CTNNA3: variants seen among roughly 807,000 people sequenced by gnomAD.
CTNNA3 encodes the protein catenin alpha-3.
CTNNA3 carries 76 observed loss-of-function variants against 95.7 expected under a neutral mutation model. The ratio of observed to expected loss-of-function variants is 0.79; its 90% CI spans 0.66 to 0.96. The LOEUF (loss-of-function observed/expected upper bound fraction) is 0.96. CTNNA3 is among the 40% of genes least tolerant of loss of function. The pLI is 0.00. For synonymous variants in CTNNA3, 431 were observed against 374.4 expected, an observed-to-expected ratio of 1.15 and a Z score of -1.74; for missense variants, 1,191 against 1,089.8, an observed-to-expected ratio of 1.09 and a Z score of -1.31.
intron 17 of CTNNA3, among the ~76,000 whole-genome samples, chr10:65,925,270 A>T (rs551890080): frequency 6.8e-6 from 1 of 147,028 alleles, no homozygotes; most frequent in African/African-American, 2.4e-5. Context: ...AACAAATATG[A>T]AATAAGCAAA....
At chr10:66,033,827 T>A (rs978145397) in intron 15 of CTNNA3, among the ~76,000 whole-genome samples, 6 of 152,216 alleles carry the variant, frequency 3.9e-5, no homozygotes, top group Non-Finnish European at 7.3e-5. Flanking sequence ...AGATATGTAT[T>A]AGGAATCACA....
chr10:66,124,455 T>G (rs1020571485), intron 13 of CTNNA3, among the ~76,000 whole-genome samples: 3 of 152,206 alleles, frequency 2.0e-5, no homozygotes, highest in African/African-American at 7.2e-5. Context: ...CTTTCCTGTC[T>G]TCTTCTGAGC....
intron 3 of CTNNA3, among the ~76,000 whole-genome samples, chr10:67,559,104 A>G (rs1415867322): frequency 6.6e-6 from 1 of 152,186 alleles, no homozygotes; most frequent in East Asian, 1.9e-4. Flanking sequence ...GCAGACTTAA[A>G]TGTCCCTGTC....
intron 5 of CTNNA3, among the ~76,000 whole-genome samples, chr10:67,251,998 T>C (rs1314820095): frequency 1.3e-5 from 2 of 151,954 alleles, no homozygotes; most frequent in Non-Finnish European, 2.9e-5. Flanking sequence ...TCACTTGAGG[T>C]CAGGTGTTTG....
chr10:67,216,129 T>G (rs949121713), intron 6 of CTNNA3, among the ~76,000 whole-genome samples: 1 of 152,212 alleles, frequency 6.6e-6, no homozygotes. Flanking sequence ...AATGCTAATC[T>G]GACTAACAGA....
At chr10:67,347,522 A>ACTG (rs1300372923) in intron 5 of CTNNA3, among the ~76,000 whole-genome samples, 2 of 152,128 alleles carry the variant, frequency 1.3e-5, no homozygotes, top group African/African-American at 4.8e-5. Context: ...GTGTACTACT[A>ACTG]TGTTAGGTGC....
intron 11 of CTNNA3, among the ~76,000 whole-genome samples, chr10:66,486,385 CA>C (rs1345024588): frequency 1.3e-5 from 2 of 151,666 alleles, no homozygotes; most frequent in Admixed American, 1.3e-4. Context: ...TTAAAATGTA[CA>C]AAAAAATGAA....
chr10:66,554,584 C>T (rs1842334551), intron 10 of CTNNA3, among the ~76,000 whole-genome samples: 1 of 152,076 alleles, frequency 6.6e-6, no homozygotes, highest in African/African-American at 2.4e-5. Context: ...TACCATGCAG[C>T]CTATTTCCCA....
At chr10:67,430,776 A>G (rs1489193516) in intron 5 of CTNNA3, among the ~76,000 whole-genome samples, 1 of 149,766 alleles carries the variant, frequency 6.7e-6, no homozygotes, top group Admixed American at 6.7e-5. Context: ...ATGGGCTGGA[A>G]AAAATGGTCC....
In CTNNA3 at chr10:67,180,366, T is replaced by C. The variant is rs1400603614; in HGVS notation, c.998A>G (p.Asn333Ser). 1.2e-6 allele frequency: 2 copies of C among 1,613,660 alleles called. No individual in the cohort carries two copies. Among genetic ancestry groups the C allele is most frequent in the African/African-American group, 1.3e-5 (1 of 74,910 alleles). ...ATCCTGAAGAGCCTGGCGAATGGCG[T>C]TGCATTCTGCGATAATCCGCTCTCG... ...LHRERIIAEC[N>S]AIRQALQDLL... The change falls in exon 7 of 18, where the codon AAC becomes AGC. Residue 333 changes from asparagine (N) to serine (S), a missense_variant. By Grantham distance (46) the Asn-to-Ser change is conservative. Coordinates refer to ENST00000433211, the MANE Select transcript of CTNNA3 (RefSeq NM_013266.4).
chr10:67,233,103 G>A (rs941823225), intron 5 of CTNNA3, among the ~76,000 whole-genome samples: 1 of 152,150 alleles, frequency 6.6e-6, no homozygotes, highest in Non-Finnish European at 1.5e-5. Flanking sequence ...ACAGATCAAT[G>A]AGACAGAAAG....
chr10:67,212,874 A>T (rs1047915066), intron 6 of CTNNA3, among the ~76,000 whole-genome samples: 1 of 151,860 alleles, frequency 6.6e-6, no homozygotes, highest in Non-Finnish European at 1.5e-5. Flanking sequence ...ATCTAATTTC[A>T]TAAATTAGAT....
At chr10:67,551,849 T>C (rs1159652498) in intron 3 of CTNNA3, among the ~76,000 whole-genome samples, 1 of 152,186 alleles carries the variant, frequency 6.6e-6, no homozygotes, top group Non-Finnish European at 1.5e-5. Flanking sequence ...CACTTCCAAA[T>C]GCCTCCCTCA....
intron 13 of CTNNA3, among the ~76,000 whole-genome samples, chr10:66,168,457 G>T (rs1041535463): frequency 5.3e-5 from 8 of 151,968 alleles, no homozygotes; most frequent in Non-Finnish European, 8.8e-5. Context: ...TCGTTCAGTG[G>T]TTTTTTTCTG....
intron 13 of CTNNA3, among the ~76,000 whole-genome samples, chr10:66,270,117 G>C (rs2091244823): frequency 6.6e-6 from 1 of 150,684 alleles, no homozygotes; most frequent in Non-Finnish European, 1.5e-5. Context: ...AACATCGCAT[G>C]TTCTTGTCCT....
chr10:66,378,426 G>T (rs1042727388), intron 12 of CTNNA3, among the ~76,000 whole-genome samples: 4 of 152,084 alleles, frequency 2.6e-5, no homozygotes, highest in Non-Finnish European at 5.9e-5. Flanking sequence ...ATTCACAAAG[G>T]GTTTTCCCAG....
At chr10:67,720,129 C>CTTTTT (rs58074397) in intron 1 of CTNNA3, among the ~76,000 whole-genome samples, 87 of 6,610 alleles carry the variant, frequency 0.013, 39 homozygotes, top group African/African-American at 0.047. Context: ...GCAACCCCTG[C>CTTTTT]TTTTTTTTTT....
At chr10:66,381,660 A>C (rs2092839568) in intron 11 of CTNNA3, among the ~76,000 whole-genome samples, 1 of 152,154 alleles carries the variant, frequency 6.6e-6, no homozygotes, top group African/African-American at 2.4e-5. Flanking sequence ...AAATTAGATA[A>C]ATTTAACCCA....
chr10:66,838,246 T>C (rs374971409), intron 7 of CTNNA3, among the ~76,000 whole-genome samples: 2 of 152,080 alleles, frequency 1.3e-5, no homozygotes, highest in Admixed American at 6.6e-5. Context: ...CTCACAACAG[T>C]GGATATCATA....
Sources: gnomAD v4.1 joint callset for allele counts (sites outside exome capture counted in the v4.1 genomes callset) on GRCh38, gnomAD v4.1.1 for gene constraint, MANE v1.5 for transcripts, NCBI Gene and HGNC (gene_info 2026-07-23, HGNC 2026-07-21) for gene names.